The following COL5A1 variants were observed in gnomAD, a reference collection of about 807,000 sequenced individuals.
The protein encoded by COL5A1 is collagen alpha-1(V) chain.
A neutral mutation model predicts 263.7 loss-of-function variants in COL5A1; 16 were observed. The observed-to-expected ratio is 0.06, with a 90% CI of 0.04 to 0.09. COL5A1 has a LOEUF of 0.09. COL5A1 is among the 10% of genes least tolerant of loss of function. The pLI is 1.00. For synonymous variants in COL5A1, 1,012 were observed against 1,004.5 expected, an observed-to-expected ratio of 1.01 and a Z score of -0.14; for missense variants, 2,036 against 2,540.5, an observed-to-expected ratio of 0.80 and a Z score of 4.27.
intron 26 of COL5A1, among the ~76,000 whole-genome samples, chr9:134,773,772 G>C (rs1375138094): frequency 6.6e-6 from 1 of 152,218 alleles, no homozygotes; most frequent in Non-Finnish European, 1.5e-5. Context: ...TGCCAGGCCT[G>C]CTGGGCAGTG....
chr9:134,782,598 C>A (rs966706751), intron 28 of COL5A1, 69 bp from the exon 29 acceptor site: 3 of 1,431,016 alleles, frequency 2.1e-6, no homozygotes, highest in Non-Finnish European at 3.0e-6. Flanking sequence ...TTGTTTGGAG[C>A]GGGGAAGGGA....
chr9:134,743,004 G>A (rs2132663481), intron 11 of COL5A1, among the ~76,000 whole-genome samples: 1 of 152,332 alleles, frequency 6.6e-6, no homozygotes, highest in South Asian at 2.1e-4. Context: ...CCGGAAGGCA[G>A]GCGCCACCTC....
At position 134,752,621 on chromosome 9, in the gene COL5A1, T is replaced by A; in HGVS notation, c.1695T>A (p.Gly565=). 3 of 1,613,606 alleles carry A rather than the reference T, an allele frequency of 1.9e-6. No homozygotes were observed. The highest frequency in any genetic ancestry group is 2.5e-6 in the Non-Finnish European group (3 of 1,179,722). ...LALRGPAGPM[G]LTGRPGPVGP... is the part of the protein sequence containing the mutation. Reference sequence around the variant, plus strand: ...TGAGGGGACCAGCTGGCCCGATGGGTCTCACAGGGAGACCTGGCCCTGTGG... The same window carrying A: ...TGAGGGGACCAGCTGGCCCGATGGGACTCACAGGGAGACCTGGCCCTGTGG... Residue 565 remains glycine, a synonymous_variant, in exon 14 of 66, where the codon GGT becomes GGA. Transcript: ENST00000371817.
At position 134,647,244 on chromosome 9, in the gene COL5A1, G is replaced by T. The variant is rs1021458105; in HGVS notation, c.109+4948G>T. On this transcript the variant is annotated intron_variant, in intron 1 of 65. Coordinates refer to ENST00000371817, the MANE Select transcript of COL5A1 (RefSeq NM_000093.5). The surrounding 1 kb of genome is among the most constrained non-coding windows in gnomAD (Gnocchi z 5.0). ...CTGCCCCTTTGCCTTCCTTGGCCTCGGTTCTTTGCTTTCCCACGGAACCTC... is the reference window on the plus strand; with the variant it reads ...CTGCCCCTTTGCCTTCCTTGGCCTCTGTTCTTTGCTTTCCCACGGAACCTC... Among the ~76,000 whole-genome samples, 1 of 152,136 alleles carries T rather than the reference G, an allele frequency of 6.6e-6. No individual in the cohort carries two copies. Among genetic ancestry groups the T allele is most frequent in the East Asian group, 1.9e-4 (1 of 5,190 alleles).
intron 44 of COL5A1, 119 bp from the exon 45 acceptor site, chr9:134,811,220 G>T: frequency 2.3e-6 from 2 of 886,834 alleles, no homozygotes; most frequent in Non-Finnish European, 3.9e-6. Context: ...CGACACATTT[G>T]GAGACTGAAC....
At position 134,757,295 on chromosome 9, in the gene COL5A1, C is replaced by T. The variant is rs930624311; in HGVS notation, c.1881+477C>T. 6.6e-6 allele frequency among the ~76,000 whole-genome samples: 1 copy of T among 152,144 alleles called. No homozygotes were observed. The highest frequency in any genetic ancestry group is 2.4e-5 in the African/African-American group (1 of 41,414). On this transcript the variant is annotated intron_variant, in intron 17 of 65. Coordinates refer to ENST00000371817, the MANE Select transcript of COL5A1 (RefSeq NM_000093.5). The surrounding 1 kb of genome is among the most constrained non-coding windows in gnomAD (Gnocchi z 6.2). ...GTTGCTGTCGCCACTCATGCCTGCCCGCTGCTGTGCTCAGTGTATCCACCC... is the reference window on the plus strand; with the variant it reads ...GTTGCTGTCGCCACTCATGCCTGCCTGCTGCTGTGCTCAGTGTATCCACCC...
intron 53 of COL5A1, 94 bp from the exon 54 acceptor site, chr9:134,817,684 C>A: frequency 2.8e-6 from 2 of 726,216 alleles, no homozygotes; most frequent in Non-Finnish European, 4.2e-6. Context: ...CCCTGCAGGC[C>A]ACACACACAC....
rs1836608647 is a variant in COL5A1, at chr9:134,765,099, G to A, written c.2035-582G>A. ...TTCTGCACGAGCCTCGCCGACCGGA[G>A]AGGGCGTGCCAGCTCTTGCCCAGAG... On this transcript the variant is annotated intron_variant, in intron 20 of 65. Coordinates refer to ENST00000371817, the MANE Select transcript of COL5A1 (RefSeq NM_000093.5). This position sits in a 1 kb window ranked among gnomAD's most constrained non-coding sequence, Gnocchi z 5.1. 6.6e-6 allele frequency among the ~76,000 whole-genome samples: 1 copy of A among 152,132 alleles called. No individual in the cohort carries two copies. The highest frequency in any genetic ancestry group is 2.4e-5 in the African/African-American group (1 of 41,424).
In COL5A1 at chr9:134,731,525, T is replaced by C; in HGVS notation, c.1194T>C (p.Asp398=). ...NPAPPPGEGA[D]DLEGEFTEET... ...CTCCGCCTCCAGGGGAAGGTGCGGA[T>C]GACTTGGAGGGGGAGTTCACTGAGG... Residue 398 remains aspartate (D), a synonymous_variant, in exon 8 of 66, where the codon GAT becomes GAC. Coordinates refer to ENST00000371817, the MANE Select transcript of COL5A1 (RefSeq NM_000093.5). The C allele has an allele frequency of 3.1e-6, 5 of 1,614,200 alleles. No homozygotes were observed. Among genetic ancestry groups the C allele is most frequent in the Non-Finnish European group, 3.4e-6 (4 of 1,180,016 alleles).
At chr9:134,685,320 TCATCCATCCATCTGTC>T (rs1833003054) in intron 1 of COL5A1, among the ~76,000 whole-genome samples, 1 of 83,766 alleles carries the variant, frequency 1.2e-5, no homozygotes, top group Non-Finnish European at 2.7e-5. Flanking sequence ...ATCCATCCAT[TCATCCATCCATCTGTC>T]CATCCATCCA....
At chr9:134,727,505 G>A in intron 5 of COL5A1, 108 bp downstream of exon 5, 2 of 1,309,980 alleles carry the variant, frequency 1.5e-6, no homozygotes, top group Admixed American at 1.8e-5. Context: ...AATCCACTGG[G>A]TGAGAATTTG....
chr9:134,735,310 C>G (rs1028367621), intron 9 of COL5A1, among the ~76,000 whole-genome samples: 6 of 152,160 alleles, frequency 3.9e-5, no homozygotes, highest in Non-Finnish European at 5.9e-5. Context: ...CACCCACCAC[C>G]ACCACCCCAT....
In COL5A1 at chr9:134,756,762, C is replaced by G. The variant is rs369608154; in HGVS notation, c.1828-3C>G. ...ATTGACGGTTTTGCCTCCTTTGTTC[C>G]AGGGTCGGGCTGGGAGTGATGGAGC... On this transcript the variant is annotated splice_polypyrimidine_tract_variant and splice_region_variant and intron_variant, in intron 16 of 65. Coordinates refer to ENST00000371817, the MANE Select transcript of COL5A1 (RefSeq NM_000093.5). 4 of 1,613,884 alleles carry G rather than the reference C, an allele frequency of 2.5e-6. No individual in the cohort carries two copies. Among genetic ancestry groups the G allele is most frequent in the African/African-American group, 1.3e-5 (1 of 74,902 alleles).
At chr9:134,668,273 T>C (rs1832418302) in intron 1 of COL5A1, among the ~76,000 whole-genome samples, 1 of 150,964 alleles carries the variant, frequency 6.6e-6, no homozygotes, top group Non-Finnish European at 1.5e-5. Flanking sequence ...AGCATGAGGC[T>C]TAAGGAGCCC....
At chr9:134,763,785 G>A (rs1279849151) in intron 20 of COL5A1, 48 bp downstream of exon 20, 1 of 1,581,218 alleles carries the variant, frequency 6.3e-7, no homozygotes, top group Non-Finnish European at 8.7e-7. Context: ...TGTGGAGAAA[G>A]GCTTTGTCCA....
intron 2 of COL5A1, among the ~76,000 whole-genome samples, chr9:134,692,401 G>A (rs1833318085): frequency 6.6e-6 from 1 of 152,186 alleles, no homozygotes; most frequent in African/African-American, 2.4e-5. Flanking sequence ...GCTTCTGGGA[G>A]AGCATCTCTT....
In COL5A1 at chr9:134,823,154, C is replaced by T. The variant is rs372055993; in HGVS notation, c.4644+121C>T. 8.0e-6 allele frequency: 10 copies of T among 1,250,552 alleles called. No individual in the cohort carries two copies. The East Asian group carries it at 1.5e-4, about 18-fold the overall frequency. The allele number at this position is 1,250,552 out of a possible 1,614,324, so 77.5% of individuals were successfully genotyped here. On this transcript the variant is annotated intron_variant, in intron 60 of 65. Transcript: ENST00000371817. Reference sequence around the variant, plus strand: ...TAGCTCAGGCCCTGCTGCTCACGATCCTCCCATCTTTCTACACTGACCCAT... The same window carrying T: ...TAGCTCAGGCCCTGCTGCTCACGATTCTCCCATCTTTCTACACTGACCCAT...
chr9:134,798,536 G>A, intron 37 of COL5A1, 75 bp downstream of exon 37: 2 of 1,436,068 alleles, frequency 1.4e-6, no homozygotes, highest in Non-Finnish European at 2.0e-6. Flanking sequence ...AGCCCTCGCT[G>A]CCCAGCGCCA....
In COL5A1 at chr9:134,682,158, G is replaced by A. The variant is rs761629068; in HGVS notation, c.110-8754G>A. Among the ~76,000 whole-genome samples, 2 of 152,204 alleles carry A rather than the reference G, an allele frequency of 1.3e-5. No homozygotes were observed. The highest frequency in any genetic ancestry group is 2.1e-4 in the South Asian group (1 of 4,836). On this transcript the variant is annotated intron_variant, in intron 1 of 65. Transcript: ENST00000371817. This position sits in a 1 kb window ranked among gnomAD's most constrained non-coding sequence, Gnocchi z 5.1. Reference sequence around the variant, plus strand: ...TGACCTCTGGAGGACGGGCCGGGGAGCTTTAAGGGCCAGGCAGAAATGCTG... The same window carrying A: ...TGACCTCTGGAGGACGGGCCGGGGAACTTTAAGGGCCAGGCAGAAATGCTG...
Sources: allele counts gnomAD v4.1 joint callset (sites outside exome capture counted in the v4.1 genomes callset), GRCh38; gene constraint gnomAD v4.1.1; non-coding constraint Gnocchi (gnomAD v3.1); transcripts MANE v1.5; gene names NCBI Gene and HGNC (gene_info 2026-07-23, HGNC 2026-07-21).